Variants in LMTK2 observed in about 807,000 individuals in gnomAD.
LMTK2 encodes the protein lemur tail kinase 2.
In LMTK2, 37 loss-of-function variants were observed where a neutral mutation model predicts 127.5. The ratio of observed to expected loss-of-function variants is 0.29; its 90% CI spans 0.22 to 0.38. The LOEUF is 0.38. Ranked by LOEUF, LMTK2 falls within the 10% of genes least tolerant of loss-of-function variation. The pLI is 1.00. For missense variants in LMTK2, 1,694 were observed against 1,920.3 expected, an observed-to-expected ratio of 0.88 and a Z score of 2.20; for synonymous variants, 819 against 810.1, an observed-to-expected ratio of 1.01 and a Z score of -0.19.
intron 11 of LMTK2, among the ~76,000 whole-genome samples, chr7:98,195,204 A>G (rs1031636096): frequency 1.3e-5 from 2 of 152,138 alleles, no homozygotes; most frequent in Non-Finnish European, 2.9e-5. Context: ...GAGCCTGACA[A>G]TTGGCAGTAG....
At chr7:98,128,381 C>T (rs529448623) in intron 1 of LMTK2, among the ~76,000 whole-genome samples, 2 of 152,122 alleles carry the variant, frequency 1.3e-5, no homozygotes, top group Admixed American at 1.3e-4. Context: ...GGAAGAAAGC[C>T]CCTTTGAGAA....
At chr7:98,195,502 C>T (rs1797611816) in intron 11 of LMTK2, among the ~76,000 whole-genome samples, 1 of 151,956 alleles carries the variant, frequency 6.6e-6, no homozygotes, top group Non-Finnish European at 1.5e-5. Context: ...TCTTTTCATA[C>T]TAGTCTTTGT....
chr7:98,171,616 A>G lies in LMTK2; in HGVS notation c.733A>G (p.Met245Val). 6.2e-7 allele frequency: 1 copy of G among 1,611,862 alleles called. No individual in the cohort carries two copies. Among genetic ancestry groups the G allele is most frequent in the Non-Finnish European group, 8.5e-7 (1 of 1,179,322 alleles). Residue 245 changes from methionine (M) to valine (V), a missense_variant, in exon 7 of 14, where the codon ATG becomes GTG. By Grantham distance (21) the Met-to-Val change is conservative. Coordinates refer to ENST00000297293, the MANE Select transcript of LMTK2 (RefSeq NM_014916.4). This position sits in a 1 kb window ranked among gnomAD's most constrained non-coding sequence, Gnocchi z 5.1. ...GDSQTMLLQRMACEVAAGLAA... is the reference protein window; with the variant it reads ...GDSQTMLLQRVACEVAAGLAA... ...CTCACAGACCATGCTGCTGCAGAGGATGGCGTGCGAGGTCGCCGCGGGGCT... is the reference window on the plus strand; with the variant it reads ...CTCACAGACCATGCTGCTGCAGAGGGTGGCGTGCGAGGTCGCCGCGGGGCT...
chr7:98,193,590 G>C lies in LMTK2; in HGVS notation c.3125G>C (p.Trp1042Ser). Residue 1042 changes from tryptophan to serine, a missense_variant, in exon 11 of 14, where the codon TGG becomes TCG. This residue lies in a region of LMTK2 where 65 missense variants were observed against 116.5 expected (regional missense o/e 0.56). Coordinates refer to ENST00000297293, the MANE Select transcript of LMTK2 (RefSeq NM_014916.4). This position sits in a 1 kb window ranked among gnomAD's most constrained non-coding sequence, Gnocchi z 4.1. ...YETENLESPE[W>S]TLHPAPEGTA... ...ACAGAGAACTTGGAGTCTCCCGAGT[G>C]GACCTTGCATCCCGCTCCCGAGGGC... The C allele has an allele frequency of 6.2e-7, 1 of 1,614,060 alleles. No individual in the cohort carries two copies. Among genetic ancestry groups the C allele is most frequent in the Non-Finnish European group, 8.5e-7 (1 of 1,180,038 alleles).
rs549520392 is a variant in LMTK2 at position 98,195,689 on chromosome 7, G to T, written c.4107+1117G>T. 1.1e-4 allele frequency among the ~76,000 whole-genome samples: 17 copies of T among 152,218 alleles called. 1 individual carries two copies. The South Asian group carries it at 2.9e-3, about 26-fold the overall frequency. ...CCCAGACCTTGGTCTCAGCCCCTGC[G>T]TGGCACCATCCCTCATGGGTCCGTG... On this transcript the variant is annotated intron_variant, in intron 11 of 13. Coordinates refer to ENST00000297293, the MANE Select transcript of LMTK2 (RefSeq NM_014916.4).
chr7:98,175,369 A>G (rs1369995480), intron 7 of LMTK2, among the ~76,000 whole-genome samples: 2 of 152,218 alleles, frequency 1.3e-5, no homozygotes, highest in African/African-American at 4.8e-5. Context: ...GTCCAGTGTT[A>G]CCAGAAAAGA....
chr7:98,124,028 G>A (rs1796407643), intron 1 of LMTK2, among the ~76,000 whole-genome samples: 1 of 151,818 alleles, frequency 6.6e-6, no homozygotes, highest in South Asian at 2.1e-4. Flanking sequence ...TTATTTTTTA[G>A]CCCCTGCATT....
chr7:98,190,594 A>AACT, intron 9 of LMTK2, 134 bp from the exon 10 acceptor site: 1 of 881,806 alleles, frequency 1.1e-6, no homozygotes, highest in Non-Finnish European at 1.8e-6. Flanking sequence ...CAACAACAAC[A>AACT]ACAACAAAGA....
intron 5 of LMTK2, among the ~76,000 whole-genome samples, chr7:98,155,130 AT>A (rs1796910024): frequency 6.6e-6 from 1 of 152,236 alleles, no homozygotes; most frequent in Admixed American, 6.5e-5. Context: ...CCTGACAAGA[AT>A]TTTAAAGCAC....
At position 98,192,467 on chromosome 7, in the gene LMTK2, A is replaced by C; in HGVS notation, c.2002A>C (p.Thr668Pro). 6.2e-7 allele frequency: 1 copy of C among 1,611,546 alleles called. No individual in the cohort carries two copies. The highest frequency in any genetic ancestry group is 2.2e-5 in the East Asian group (1 of 44,876). Residue 668 changes from threonine to proline, a missense_variant, in exon 11 of 14, where the codon ACT (threonine) becomes CCT (proline). Coordinates refer to ENST00000297293, the MANE Select transcript of LMTK2 (RefSeq NM_014916.4). ...NGVQADFKPA[T>P]LSSSLDNPKE... ...AGTTCAAGCCGACTTTAAACCTGCC[A>C]CTTTAAGTTCCAGTTTGGATAACCC...
At position 98,159,334 on chromosome 7, in the gene LMTK2, C is replaced by T; in HGVS notation, c.570-4C>T. Reference sequence around the variant, plus strand: ...AACAATATTATGGCTTTTATTTTTCCCAGCATTCTTCAGCATCCAAATATT... The same window carrying T: ...AACAATATTATGGCTTTTATTTTTCTCAGCATTCTTCAGCATCCAAATATT... On this transcript the variant is annotated splice_region_variant and splice_polypyrimidine_tract_variant and intron_variant, in intron 5 of 13. Transcript: ENST00000297293. The T allele has an allele frequency of 6.3e-7, 1 of 1,586,404 alleles. No individual in the cohort carries two copies. Among genetic ancestry groups the T allele is most frequent in the Non-Finnish European group, 8.6e-7 (1 of 1,165,512 alleles).
chr7:98,130,201 G>T (rs755019459), intron 1 of LMTK2, among the ~76,000 whole-genome samples: 1 of 152,064 alleles, frequency 6.6e-6, no homozygotes, highest in African/African-American at 2.4e-5. Flanking sequence ...ATGGAGTCGG[G>T]GCTGGGAGGT....
Position 98,194,638 on chromosome 7 carries a change from A to AT in LMTK2, c.4107+68dup. On this transcript the variant is annotated intron_variant, in intron 11 of 13. Coordinates refer to ENST00000297293, the MANE Select transcript of LMTK2 (RefSeq NM_014916.4). The surrounding 1 kb of genome is among the most constrained non-coding windows in gnomAD (Gnocchi z 5.4). Reference sequence around the variant, plus strand: ...TAAGGATTCCAAAATGTGCTAGGAAATTGAGTGTGGTCTGTTTTCTAGTTG... The same window carrying AT: ...TAAGGATTCCAAAATGTGCTAGGAAATTTGAGTGTGGTCTGTTTTCTAGTTG... 1 of 1,404,468 alleles carries AT rather than the reference A, an allele frequency of 7.1e-7. No individual in the cohort carries two copies. Among genetic ancestry groups the AT allele is most frequent in the Non-Finnish European group, 9.5e-7 (1 of 1,047,750 alleles). The allele number at this position is 1,404,468 out of a possible 1,614,324, so 87.0% of individuals were successfully genotyped here.
intron 1 of LMTK2, among the ~76,000 whole-genome samples, chr7:98,114,260 A>C (rs1796246052): frequency 8.3e-6 from 1 of 120,208 alleles, no homozygotes; most frequent in East Asian, 2.9e-4. Context: ...TTTTTTTTTG[A>C]GACAGGGTCT....
intron 3 of LMTK2, among the ~76,000 whole-genome samples, chr7:98,144,830 C>G (rs1345241397): frequency 6.6e-6 from 1 of 151,328 alleles, no homozygotes; most frequent in Admixed American, 6.6e-5. Context: ...ACATACCTTG[C>G]AGATCTTTCC....
In LMTK2 at chr7:98,193,164, ACT is replaced by A. The variant is rs1467126086; in HGVS notation, c.2702_2703del (p.Ser901CysfsTer4). 3 of 1,613,486 alleles carry A rather than the reference ACT, an allele frequency of 1.9e-6. No individual in the cohort carries two copies. Among genetic ancestry groups the A allele is most frequent in the South Asian group, 1.1e-5 (1 of 91,064 alleles). The stretch of plus-strand genomic sequence containing the variant: ...GAGACCCTGCGACTCACCGAAAGTG[ACT>A]CTGTTCTTGCTGATGACATCCTTGC... On this transcript the variant is annotated frameshift_variant, in exon 11 of 14. Transcript: ENST00000297293. LOFTEE classifies it high-confidence loss of function. The surrounding 1 kb of genome is among the most constrained non-coding windows in gnomAD (Gnocchi z 4.1).
At chr7:98,109,636 T>C (rs780499875) in intron 1 of LMTK2, among the ~76,000 whole-genome samples, 1 of 149,612 alleles carries the variant, frequency 6.7e-6, no homozygotes, top group Admixed American at 6.8e-5. Flanking sequence ...CCCAACTATT[T>C]GGGAGGCTGA....
In LMTK2 at chr7:98,193,402, G is replaced by A; in HGVS notation, c.2937G>A (p.Leu979=). The change falls in exon 11 of 14, where the codon CTG becomes CTA. Residue 979 remains leucine (L), a synonymous_variant. Transcript: ENST00000297293. The surrounding 1 kb of genome is among the most constrained non-coding windows in gnomAD (Gnocchi z 4.1). ...ACTCAACCAGTCAGGACAGCCTCCT[G>A]GAGGACAGCTTGTCAGCACCCTTCC... The part of the protein sequence containing the change: ...SSDSTSQDSL[L]EDSLSAPFPA... The A allele has an allele frequency of 6.2e-7, 1 of 1,614,134 alleles. No individual in the cohort carries two copies. Among genetic ancestry groups the A allele is most frequent in the African/African-American group, 1.3e-5 (1 of 75,018 alleles).
chr7:98,132,394 G>A (rs1796532859), intron 1 of LMTK2, among the ~76,000 whole-genome samples: 1 of 152,098 alleles, frequency 6.6e-6, no homozygotes, highest in South Asian at 2.1e-4. Context: ...GGGACCACAG[G>A]CGCGCGGCAC....
Sources: allele counts gnomAD v4.1 joint callset (sites outside exome capture counted in the v4.1 genomes callset), GRCh38; gene constraint gnomAD v4.1.1; regional missense constraint gnomAD v4.1.1; non-coding constraint Gnocchi (gnomAD v3.1); transcripts MANE v1.5; gene names NCBI Gene and HGNC (gene_info 2026-07-23, HGNC 2026-07-21).